Variants in CPAMD8 observed in about 807,000 individuals in gnomAD.
CPAMD8 encodes C3 and PZP like alpha-2-macroglobulin domain containing 8.
In CPAMD8, 146 loss-of-function variants were observed where a neutral mutation model predicts 224.7. The observed-to-expected ratio is 0.65, with a 90% CI of 0.57 to 0.75. The LOEUF (loss-of-function observed/expected upper bound fraction) is 0.75, where lower values mean the gene tolerates loss of function less well. CPAMD8 is among the 30% of genes least tolerant of loss of function. CPAMD8 has a pLI of 0.00. For synonymous variants in CPAMD8, 966 were observed against 1,044.6 expected, an observed-to-expected ratio of 0.92 and a Z score of 1.45; for missense variants, 2,301 against 2,537.5, an observed-to-expected ratio of 0.91 and a Z score of 2.00.
chr19:17,001,431 G>C (rs867115033), intron 9 of CPAMD8, among the ~76,000 whole-genome samples: 4 of 103,460 alleles, frequency 3.9e-5, no homozygotes, highest in Middle Eastern at 8.8e-3. Context: ...AGCAGCCTTG[G>C]GGGAGAGGGG....
chr19:16,897,054 T>G, intron 39 of CPAMD8: 1 of 50,584 alleles, frequency 2.0e-5, no homozygotes, highest in Non-Finnish European at 3.5e-5. Flanking sequence ...TGACCACACC[T>G]ACCCTCAACC....
At position 17,009,458 on chromosome 19, in the gene CPAMD8, G is replaced by C. The variant is rs112819189; in HGVS notation, c.487-138C>G. The C allele has an allele frequency of 6.3e-6, 9 of 1,433,604 alleles. No individual in the cohort carries two copies. In the African/African-American group the frequency reaches 1.1e-4, roughly 18 times the overall value. 88.8% of individuals were successfully genotyped at this position (1,433,604 alleles called of 1,614,324 possible). A position where few individuals can be genotyped will look rare whatever the true frequency, so the allele number is the denominator to read the frequency against. On this transcript the variant is annotated intron_variant, in intron 5 of 41. Transcript: ENST00000443236. ...AACAGTGTCCCCCTAGATTACATCC[G>C]TTGAATCCTAACCCCAAGTAGGGTC...
At chr19:16,968,262 C>G (rs2054927641) in intron 18 of CPAMD8, among the ~76,000 whole-genome samples, 1 of 152,068 alleles carries the variant, frequency 6.6e-6, no homozygotes, top group Non-Finnish European at 1.5e-5. Flanking sequence ...CTGCCAATTC[C>G]CCGATTAGGA....
At chr19:16,943,207 G>T (rs1381981957) in intron 22 of CPAMD8, among the ~76,000 whole-genome samples, 2 of 151,002 alleles carry the variant, frequency 1.3e-5, no homozygotes, top group African/African-American at 4.9e-5. Flanking sequence ...GTAGGGACAG[G>T]GTTTTGCCAT....
rs757001006 is a variant in CPAMD8 at position 16,901,212 on chromosome 19, G to T, written c.4771C>A (p.Gln1591Lys). The T allele has an allele frequency of 6.2e-7, 1 of 1,607,216 alleles. No individual in the cohort carries two copies. The highest frequency in any genetic ancestry group is 8.5e-7 in the Non-Finnish European group (1 of 1,176,892). The change falls in exon 36 of 42, where the codon CAG (glutamine) becomes AAG (lysine). Residue 1591 changes from glutamine to lysine, a missense_variant and splice_region_variant. Transcript: ENST00000443236. ...GFRADIESLE[Q>K]LLLDKHMGMK... ...GCTGCTCACCGGCGCTGCCTCACCT[G>T]CTCCAGGCTCTCGATGTCTGCCCGG...
At chr19:17,012,860 A>G (rs1667315457) in intron 3 of CPAMD8, among the ~76,000 whole-genome samples, 2 of 152,182 alleles carry the variant, frequency 1.3e-5, no homozygotes, top group African/African-American at 2.4e-5. Context: ...TCTATCATGT[A>G]TATGTGTCTG....
At chr19:16,955,850 A>T (rs2054454401) in intron 19 of CPAMD8, among the ~76,000 whole-genome samples, 1 of 151,682 alleles carries the variant, frequency 6.6e-6, no homozygotes, top group Non-Finnish European at 1.5e-5. Flanking sequence ...CTAATTTAAA[A>T]ATTTTTTTTA....
intron 5 of CPAMD8, 103 bp from the exon 6 acceptor site, chr19:17,009,423 T>C (rs2056587007): frequency 8.2e-6 from 13 of 1,594,832 alleles, no homozygotes; most frequent in South Asian, 1.1e-5. Context: ...GCAGTCGCTG[T>C]TATGGGTTAA....
chr19:17,005,426 C>T (rs76660195), intron 7 of CPAMD8, among the ~76,000 whole-genome samples: 12,757 of 148,242 alleles, frequency 0.086, 577 homozygotes, highest in South Asian at 0.11. Context: ...AACTAGAGCA[C>T]GCACACACTT....
Position 16,928,831 on chromosome 19 carries a change from T to C in CPAMD8, c.3144+111A>G, listed in dbSNP as rs2053456463. ...GAACAACTTGAGGTGGTGCTCCATG[T>C]TTCCCTTGCTCCTCCTGACCCTGGA... On this transcript the variant is annotated intron_variant, in intron 24 of 41. Coordinates refer to ENST00000443236, the MANE Select transcript of CPAMD8 (RefSeq NM_015692.5). 19 of 825,298 alleles carry C rather than the reference T, an allele frequency of 2.3e-5. 1 individual carries two copies. The South Asian group carries it at 3.0e-4, about 13-fold the overall frequency. The allele number at this position is 825,298 out of a possible 1,614,324, so 51.1% of individuals were successfully genotyped here.
intron 5 of CPAMD8, among the ~76,000 whole-genome samples, chr19:17,009,904 A>G (rs958742625): frequency 3.3e-5 from 5 of 152,154 alleles, no homozygotes; most frequent in Admixed American, 2.6e-4. Flanking sequence ...AGGATCCAGT[A>G]TTGCTTCTGT....
At chr19:16,982,462 C>T (rs189026996) in intron 13 of CPAMD8, among the ~76,000 whole-genome samples, 3 of 152,018 alleles carry the variant, frequency 2.0e-5, no homozygotes, top group African/African-American at 7.3e-5. Context: ...CTACCTCCCC[C>T]TAAAGGAAGA....
chr19:17,011,857 C>G, intron 3 of CPAMD8, 100 bp from the exon 4 acceptor site: 5 of 1,346,916 alleles, frequency 3.7e-6, no homozygotes, highest in Non-Finnish European at 5.0e-6. Context: ...GGAACTCACC[C>G]CAGGAGTGAC....
chr19:16,902,617 G>A, intron 35 of CPAMD8, 32 bp downstream of exon 35: 1 of 1,440,156 alleles, frequency 6.9e-7, no homozygotes, highest in Non-Finnish European at 9.6e-7. Flanking sequence ...ACCCTCCTGG[G>A]ATGCCCACGC....
chr19:16,901,160 C>T (rs1273168168), intron 36 of CPAMD8, 50 bp downstream of exon 36: 5 of 1,357,608 alleles, frequency 3.7e-6, no homozygotes, highest in African/African-American at 1.5e-5. Context: ...CTAAGCCCTA[C>T]CTATTGTTCA....
At chr19:16,997,433 A>G (rs912367242) in intron 10 of CPAMD8, 95 bp from the exon 11 acceptor site, 48 of 745,884 alleles carry the variant, frequency 6.4e-5, no homozygotes, top group Admixed American at 3.1e-4. Context: ...AAGACTCTTC[A>G]GCTGCTTGGA....
At position 16,917,734 on chromosome 19, in the gene CPAMD8, T is replaced by C. The variant is rs146720872; in HGVS notation, c.3630-2921A>G. Among the ~76,000 whole-genome samples, 726 of 152,250 alleles carry C rather than the reference T, an allele frequency of 4.8e-3. 8 individuals carry two copies. The highest frequency in any genetic ancestry group is 0.017 in the African/African-American group (696 of 41,548). On this transcript the variant is annotated intron_variant, in intron 27 of 41. Transcript: ENST00000443236. The stretch of plus-strand genomic sequence containing the variant: ...CTAGCCTGGGAAACAGAGCGAGATC[T>C]TGTCTCAAAAAAAATTAGTTAAAAT...
At chr19:16,978,787 A>G (rs879747114) in intron 14 of CPAMD8, among the ~76,000 whole-genome samples, 4 of 151,468 alleles carry the variant, frequency 2.6e-5, no homozygotes, top group Admixed American at 6.6e-5. Flanking sequence ...CTATCTATCC[A>G]TCCATCCATC....
intron 27 of CPAMD8, among the ~76,000 whole-genome samples, chr19:16,920,332 T>G (rs892842300): frequency 3.4e-4 from 52 of 151,642 alleles, no homozygotes; most frequent in African/African-American, 1.2e-3. Context: ...ACAAAAAAAG[T>G]AGCCAGGCGT....
Sources: gnomAD v4.1 joint callset for allele counts (sites outside exome capture counted in the v4.1 genomes callset) on GRCh38, gnomAD v4.1.1 for gene constraint, MANE v1.5 for transcripts, NCBI Gene and HGNC (gene_info 2026-07-23, HGNC 2026-07-21) for gene names.